INTS3: variants seen among roughly 807,000 people sequenced by gnomAD.
The protein encoded by INTS3 is SOSS complex subunit A.
In INTS3, 34 loss-of-function variants were observed where a neutral mutation model predicts 146.3. That is an observed-to-expected ratio of 0.23 (90% CI 0.18 to 0.31). The LOEUF is 0.31. Ranked by LOEUF, INTS3 falls within the 10% of genes least tolerant of loss-of-function variation. The pLI, the probability that INTS3 is intolerant of heterozygous loss-of-function variation, is 1.00. For missense variants in INTS3, 757 were observed against 1,304.2 expected (o/e 0.58, Z 6.46); for synonymous variants, 475 against 494.9 (o/e 0.96, Z 0.53).
Position 153,755,982 on chromosome 1 carries a change from A to T in INTS3, c.957+1243A>T, listed in dbSNP as rs9427217. Among the ~76,000 whole-genome samples the T allele has an allele frequency of 3.6e-4, 55 of 151,776 alleles. 1 individual carries two copies. The East Asian group carries it at 0.011, about 29-fold the overall frequency. On this transcript the variant is annotated intron_variant, in intron 9 of 29. Transcript: ENST00000318967. The stretch of plus-strand genomic sequence containing the variant: ...TTGAACCCAGGAGGCAGAGGTTGCG[A>T]TAAGCCAAGATTGCGCCACTGCACT...
Position 153,738,442 on chromosome 1 carries a change from T to C in INTS3, c.151-2209T>C, listed in dbSNP as rs115066812. On this transcript the variant is annotated intron_variant, in intron 1 of 29. Transcript: ENST00000318967. The stretch of plus-strand genomic sequence containing the variant: ...TTGTTTTGTAGAATATCCTTCAGTT[T>C]GGGTTGTCTGAAATTTCTTCATAAT... Among the ~76,000 whole-genome samples, 1,254 of 152,306 alleles carry C rather than the reference T, an allele frequency of 8.2e-3. 12 individuals carry two copies. The highest frequency in any genetic ancestry group is 0.029 in the African/African-American group (1,206 of 41,564).
intron 1 of INTS3, among the ~76,000 whole-genome samples, chr1:153,734,403 T>A (rs937353760): frequency 2.0e-5 from 3 of 152,114 alleles, no homozygotes; most frequent in Admixed American, 2.0e-4. Flanking sequence ...AAGAGTAAAG[T>A]ATCCTTTATA....
chr1:153,729,454 G>A (rs1670980273), intron 1 of INTS3, among the ~76,000 whole-genome samples: 2 of 152,176 alleles, frequency 1.3e-5, no homozygotes, highest in South Asian at 4.1e-4. Flanking sequence ...ACCTGAATGA[G>A]GACTTCAGGG....
Position 153,772,509 on chromosome 1 carries a change from G to T in INTS3, c.2821+69G>T. On this transcript the variant is annotated intron_variant, in intron 27 of 29. Coordinates refer to ENST00000318967, the MANE Select transcript of INTS3 (RefSeq NM_023015.5). The surrounding 1 kb of genome is among the most constrained non-coding windows in gnomAD (Gnocchi z 4.6). ...TGGCCCAGACTATGCCTGGAGCCAG[G>T]CTGGGGGCAGGGGCAGGACACCCGG... The T allele has an allele frequency of 6.2e-7, 1 of 1,613,284 alleles. No individual in the cohort carries two copies.
intron 1 of INTS3, among the ~76,000 whole-genome samples, chr1:153,732,612 CTT>C (rs911665266): frequency 6.6e-6 from 1 of 151,700 alleles, no homozygotes; most frequent in African/African-American, 2.4e-5. Context: ...CACCCAGCTA[CTT>C]TTTTTGCATT....
chr1:153,746,328 C>T (rs968633175), intron 3 of INTS3, among the ~76,000 whole-genome samples: 1 of 152,220 alleles, frequency 6.6e-6, no homozygotes, highest in Non-Finnish European at 1.5e-5. Flanking sequence ...AACAGTATGA[C>T]ACTTCCTAAG....
At position 153,728,242 on chromosome 1, in the gene INTS3, TCCTCTTTTCCCCCCA is replaced by T. The variant is rs1670929083; in HGVS notation, c.-391_-377del. 2.6e-6 allele frequency: 1 copy of T among 385,782 alleles called. No homozygotes were observed. Among genetic ancestry groups the T allele is most frequent in the African/African-American group, 2.1e-5 (1 of 48,208 alleles). The allele number at this position is 385,782 out of a possible 1,614,324, so 23.9% of individuals were successfully genotyped here. A position where few individuals can be genotyped will look rare whatever the true frequency, so the allele number is the denominator to read the frequency against. The stretch of plus-strand genomic sequence containing the variant: ...CTACCTCCTAATTCAGGGGCAGGAC[TCCTCTTTTCCCCCCA>T]CGGGGAAAAGAGGCAGAAACTTAGG... On this transcript the variant is annotated 5_prime_UTR_variant, in exon 1 of 30. Transcript: ENST00000318967.
chr1:153,773,296 C>A lies in INTS3; in HGVS notation c.*26C>A, dbSNP rs549302171. ...GGCCCTGCATTCCCCATCCCACCCC[C>A]GGCTGGACTGCCCTCTCCTTCTTGG... is the stretch of plus-strand genomic sequence containing the variant. On this transcript the variant is annotated 3_prime_UTR_variant, in exon 30 of 30. Transcript: ENST00000318967. 1 of 1,594,524 alleles carries A rather than the reference C, an allele frequency of 6.3e-7. No individual in the cohort carries two copies. The highest frequency in any genetic ancestry group is 1.1e-5 in the South Asian group (1 of 90,702).
In INTS3 at chr1:153,731,453, A is replaced by G. The variant is rs116273057; in HGVS notation, c.150+2669A>G. Among the ~76,000 whole-genome samples the G allele has an allele frequency of 2.9e-3, 445 of 152,198 alleles. 2 individuals are homozygous for G. The highest frequency in any genetic ancestry group is 8.9e-3 in the African/African-American group (369 of 41,532). On this transcript the variant is annotated intron_variant, in intron 1 of 29. Transcript: ENST00000318967. ...GAATGAGATAAAAATAGTGCCAGAG[A>G]TTGAAGGAGTTTAGAACATGTAGTT... is the stretch of plus-strand genomic sequence containing the variant.
chr1:153,773,331 G>A lies in INTS3; in HGVS notation c.*61G>A, dbSNP rs763258829. 4.8e-6 allele frequency: 7 copies of A among 1,444,784 alleles called. No individual in the cohort carries two copies. Among genetic ancestry groups the A allele is most frequent in the Non-Finnish European group, 6.8e-6 (7 of 1,025,672 alleles). 89.5% of individuals were successfully genotyped at this position (1,444,784 alleles called of 1,614,324 possible). On this transcript the variant is annotated 3_prime_UTR_variant, in exon 30 of 30. Coordinates refer to ENST00000318967, the MANE Select transcript of INTS3 (RefSeq NM_023015.5). Reference sequence around the variant, plus strand: ...GCCCTCTCCTTCTTGGTGATTCAAAGGTTAATAGAGGCTGAGGAGATTGCA... The same window carrying A: ...GCCCTCTCCTTCTTGGTGATTCAAAAGTTAATAGAGGCTGAGGAGATTGCA...
Position 153,746,687 on chromosome 1 carries a change from C to T in INTS3, c.319-270C>T, listed in dbSNP as rs1250974350. 2.0e-5 allele frequency among the ~76,000 whole-genome samples: 3 copies of T among 151,206 alleles called. No individual in the cohort carries two copies. The East Asian group carries it at 5.9e-4, about 30-fold the overall frequency. ...AAGTGCTGGGATTACAGGCGTGAGC[C>T]ACTGCACCTGGCTGCCCAGCAGGCT... On this transcript the variant is annotated intron_variant, in intron 3 of 29. Transcript: ENST00000318967.
intron 1 of INTS3, 35 bp downstream of exon 1, chr1:153,728,819 T>C: frequency 8.2e-7 from 1 of 1,219,542 alleles, no homozygotes. Flanking sequence ...GTTAAGAAAT[T>C]GGGTTTTGGA....
chr1:153,747,223 T>C, intron 4 of INTS3, 56 bp from the exon 5 acceptor site: 1 of 1,487,122 alleles, frequency 6.7e-7, no homozygotes. Flanking sequence ...TTGAATTAGC[T>C]CCCTTCTCAA....
At chr1:153,769,893 TGTCA>T in intron 23 of INTS3, 49 bp downstream of exon 23, 1 of 1,280,940 alleles carries the variant, frequency 7.8e-7, no homozygotes, top group Middle Eastern at 1.8e-4. Context: ...GAGGGCAGGG[TGTCA>T]GTCCTGTGTA....
chr1:153,740,946 T>C lies in INTS3; in HGVS notation c.234+212T>C, dbSNP rs141699712. 2.0e-5 allele frequency among the ~76,000 whole-genome samples: 3 copies of C among 152,290 alleles called. No individual in the cohort carries two copies. The East Asian group carries it at 5.8e-4, about 29-fold the overall frequency. On this transcript the variant is annotated intron_variant, in intron 2 of 29. Coordinates refer to ENST00000318967, the MANE Select transcript of INTS3 (RefSeq NM_023015.5). ...CTTTCAGTACAGCTTTTTATTTTTA[T>C]AGCAATGTGGTCTCGCTATGTTGCC...
intron 23 of INTS3, 85 bp downstream of exon 23, chr1:153,769,929 G>C (rs572953141): frequency 9.7e-7 from 1 of 1,029,520 alleles, no homozygotes; most frequent in African/African-American, 1.6e-5. Flanking sequence ...CAGGAAAGCT[G>C]GTTCTGGGGC....
chr1:153,733,077 A>G (rs542327321), intron 1 of INTS3, among the ~76,000 whole-genome samples: 2 of 146,862 alleles, frequency 1.4e-5, no homozygotes, highest in South Asian at 4.4e-4. Flanking sequence ...TCCTGACCTC[A>G]TGATCCACCT....
Position 153,771,967 on chromosome 1 carries a change from G to C in INTS3, c.2720+4G>C. 1 of 1,611,382 alleles carries C rather than the reference G, an allele frequency of 6.2e-7. No homozygotes were observed. Among genetic ancestry groups the C allele is most frequent in the Non-Finnish European group, 8.5e-7 (1 of 1,178,630 alleles). ...GCCTGCCTCGCAAGAGACAGAGGTG[G>C]GACACGGTCCCTGTCTACCCTCCAG... On this transcript the variant is annotated splice_donor_region_variant and intron_variant, in intron 26 of 29. Coordinates refer to ENST00000318967, the MANE Select transcript of INTS3 (RefSeq NM_023015.5).
intron 1 of INTS3, among the ~76,000 whole-genome samples, chr1:153,738,654 A>G (rs1671395490): frequency 6.6e-6 from 1 of 152,170 alleles, no homozygotes. Flanking sequence ...TTTGTAATTA[A>G]TAAGTATTTT....
Sources: allele counts gnomAD v4.1 joint callset (sites outside exome capture counted in the v4.1 genomes callset), GRCh38; gene constraint gnomAD v4.1.1; non-coding constraint Gnocchi (gnomAD v3.1); transcripts MANE v1.5; gene names NCBI Gene and HGNC (gene_info 2026-07-23, HGNC 2026-07-21).